The following FMR1 variants were observed in gnomAD, a reference collection of about 807,000 sequenced individuals.
The protein encoded by FMR1 is fragile X messenger ribonucleoprotein 1.
A neutral mutation model predicts 50.6 loss-of-function variants in FMR1; 13 were observed. The observed-to-expected ratio is 0.26, with a 90% CI of 0.17 to 0.41. FMR1 has a LOEUF of 0.41. Ranked by LOEUF, FMR1 falls within the 10% of genes least tolerant of loss-of-function variation. The pLI, the probability that FMR1 is intolerant of heterozygous loss-of-function variation, is 1.00. For synonymous variants in FMR1, 138 were observed against 164.1 expected (o/e 0.84, Z 1.22); for missense variants, 316 against 491.3 (o/e 0.64, Z 3.37).
At chrX:147,945,108 C>A in intron 15 of FMR1, 57 bp downstream of exon 15, 1 of 1,156,504 alleles carries the variant, frequency 8.6e-7, no homozygotes, top group Non-Finnish European at 1.2e-6. Context: ...CTTGAAGTTC[C>A]ATGAGAAATC....
intron 1 of FMR1, among the ~76,000 whole-genome samples, chrX:147,919,198 ATAATC>A (rs2043036081): frequency 8.9e-6 from 1 of 111,827 alleles, no homozygotes; most frequent in Non-Finnish European, 1.9e-5. Context: ...GTTTTAGTTA[ATAATC>A]TAATAGCACC....
chrX:147,944,822 T>G, intron 14 of FMR1, 47 bp from the exon 15 acceptor site: 1 of 1,185,524 alleles, frequency 8.4e-7, no homozygotes, highest in Non-Finnish European at 1.1e-6. Flanking sequence ...CCTCTTTTTT[T>G]TTTTTTTAAA....
chrX:147,943,951 G>A (rs1056293423), intron 14 of FMR1: 9 of 115,398 alleles, frequency 7.8e-5, no homozygotes, highest in African/African-American at 1.6e-4. Flanking sequence ...TCCATTTCAC[G>A]CATATTTGCA....
At chrX:147,945,865 A>T (rs2044154219) in intron 16 of FMR1, 6 of 244,243 alleles carry the variant, frequency 2.5e-5, no homozygotes, top group Non-Finnish European at 4.3e-5. Flanking sequence ...CTATGATTTT[A>T]TTATTTATTA....
At chrX:147,921,672 C>A (rs1471947877) in intron 1 of FMR1, among the ~76,000 whole-genome samples, 1 of 111,301 alleles carries the variant, frequency 9.0e-6, no homozygotes, top group Non-Finnish European at 1.9e-5. Context: ...GTATACTTGT[C>A]TATTTTTCGA....
chrX:147,927,531 C>T (rs898930131), intron 3 of FMR1: 11 of 111,654 alleles, frequency 9.9e-5, no homozygotes, highest in African/African-American at 3.6e-4. Flanking sequence ...GTCTTTATCC[C>T]CCTTGTCTTT....
rs1603033429 is a variant in FMR1 at position 147,943,229 on chromosome X, A to G, written c.1374A>G (p.Glu458=). ...SRPPPNRTDK[E]KSYVTDDGQG... ...CACCACCAAATCGTACAGATAAGGA[A>G]AAAAGCTATGTGACTGATGATGGTC... Residue 458 remains glutamate, a synonymous_variant, in exon 14 of 17, where the codon GAA becomes GAG. Coordinates refer to ENST00000370475, the MANE Select transcript of FMR1 (RefSeq NM_002024.6). 8.3e-7 allele frequency: 1 copy of G among 1,210,876 alleles called. No individual in the cohort carries two copies. The highest frequency in any genetic ancestry group is 1.1e-6 in the Non-Finnish European group (1 of 894,706).
At chrX:147,937,214 C>T (rs968623316) in intron 10 of FMR1, among the ~76,000 whole-genome samples, 2 of 111,563 alleles carry the variant, frequency 1.8e-5, no homozygotes, top group Non-Finnish European at 3.8e-5. Context: ...TGCAATAGTA[C>T]TCTTAAGATA....
chrX:147,940,976 G>T (rs1436107267), intron 13 of FMR1, among the ~76,000 whole-genome samples: 3 of 111,337 alleles, frequency 2.7e-5, no homozygotes, highest in Admixed American at 1.9e-4. Context: ...TAGCATTTTG[G>T]TTTTTTCCAG....
chrX:147,929,277 T>G (rs1441965530), intron 5 of FMR1, among the ~76,000 whole-genome samples: 1 of 112,277 alleles, frequency 8.9e-6, no homozygotes, highest in African/African-American at 3.2e-5. Flanking sequence ...GCTTAAAGAC[T>G]ATAGAAGAGA....
rs1213562400 is a variant in FMR1, at chrX:147,949,316, ATT to A, written c.*475_*476del. ...TTATGTTTTGGTCCACTTTTCCAGT[ATT>A]TTAGTGGACCCTGAAATGTGTGTGA... On this transcript the variant is annotated 3_prime_UTR_variant, in exon 17 of 17. Transcript: ENST00000370475. 3.1e-6 allele frequency: 1 copy of A among 327,146 alleles called. No individual in the cohort carries two copies. The highest frequency in any genetic ancestry group is 2.7e-5 in the African/African-American group (1 of 37,265). The allele number at this position is 327,146 out of a possible 1,213,427, so 27.0% of individuals were successfully genotyped here. A position where few individuals can be genotyped will look rare whatever the true frequency, so the allele number is the denominator to read the frequency against.
chrX:147,915,048 C>A (rs1557174846), intron 1 of FMR1, among the ~76,000 whole-genome samples: 1 of 111,517 alleles, frequency 9.0e-6, no homozygotes, highest in Non-Finnish European at 1.9e-5. Flanking sequence ...AAGATACAAA[C>A]CTTTTTGTTT....
chrX:147,912,278 T>C, intron 1 of FMR1, 48 bp downstream of exon 1: 2 of 1,107,549 alleles, frequency 1.8e-6, no homozygotes, highest in Non-Finnish European at 2.4e-6. Context: ...CTTCCCTCCC[T>C]TTTCTTCTTG....
intron 13 of FMR1, 135 bp from the exon 14 acceptor site, chrX:147,942,996 G>A (rs1021272315): frequency 5.4e-5 from 28 of 521,221 alleles, no homozygotes; most frequent in Non-Finnish European, 8.4e-5. Context: ...TGATAATTCT[G>A]TGTAACAGTG....
chrX:147,936,845 G>A (rs1277587808), intron 10 of FMR1, among the ~76,000 whole-genome samples: 1 of 111,343 alleles, frequency 9.0e-6, no homozygotes, highest in Non-Finnish European at 1.9e-5. Flanking sequence ...CTTTAAAATG[G>A]GTAGTTATAA....
Position 147,925,554 on chromosome X carries a change from G to A in FMR1, c.119G>A (p.Arg40Lys). 8.4e-7 allele frequency: 1 copy of A among 1,194,542 alleles called. No homozygotes were observed. The highest frequency in any genetic ancestry group is 1.1e-6 in the Non-Finnish European group (1 of 879,909). The change falls in exon 3 of 17, where the codon AGG becomes AAG. Residue 40 changes from arginine to lysine, a missense_variant. By Grantham distance (26) the Arg-to-Lys change is conservative (BLOSUM62 2). This residue lies in a region of FMR1 where 124 missense variants were observed against 238.1 expected (regional missense o/e 0.52). Transcript: ENST00000370475. ...CTTATTTACAGCTGGCAGCCTGATA[G>A]GCAGATTCCATTTCATGATGTCAGA... is the stretch of plus-strand genomic sequence containing the variant. ...VAFENNWQPDRQIPFHDVRFP... is the reference protein window; with the variant it reads ...VAFENNWQPDKQIPFHDVRFP...
Position 147,948,853 on chromosome X carries a change from A to T in FMR1, c.*9A>T. 8.3e-7 allele frequency: 1 copy of T among 1,202,822 alleles called. No individual in the cohort carries two copies. The highest frequency in any genetic ancestry group is 1.1e-6 in the Non-Finnish European group (1 of 887,243). ...TGAATGGAGTACCCTAAACTGCATAATTCTGAAGTTATATTTCCTATACCA... is the reference window on the plus strand; with the variant it reads ...TGAATGGAGTACCCTAAACTGCATATTTCTGAAGTTATATTTCCTATACCA... On this transcript the variant is annotated 3_prime_UTR_variant, in exon 17 of 17. Coordinates refer to ENST00000370475, the MANE Select transcript of FMR1 (RefSeq NM_002024.6).
intron 10 of FMR1, among the ~76,000 whole-genome samples, chrX:147,936,814 A>T (rs2043804318): frequency 9.0e-6 from 1 of 111,703 alleles, no homozygotes; most frequent in Non-Finnish European, 1.9e-5. Flanking sequence ...TAGTCACTTT[A>T]TTGAATTCTT....
chrX:147,914,068 C>T (rs1225941105), intron 1 of FMR1: 2 of 112,349 alleles, frequency 1.8e-5, no homozygotes, highest in Non-Finnish European at 3.8e-5. Context: ...TTTGCTTGCA[C>T]ACTGACTGGA....
Sources: allele counts gnomAD v4.1 joint callset (sites outside exome capture counted in the v4.1 genomes callset), GRCh38; gene constraint gnomAD v4.1.1; regional missense constraint gnomAD v4.1.1; transcripts MANE v1.5; gene names NCBI Gene and HGNC (gene_info 2026-07-23, HGNC 2026-07-21).